SSU72: variants seen among roughly 807,000 people sequenced by gnomAD.
SSU72 encodes RNA polymerase II subunit A C-terminal domain phosphatase SSU72.
Under a neutral mutation model 22.7 loss-of-function variants are expected in SSU72, and 12 were observed. The observed-to-expected ratio is 0.53, with a 90% CI of 0.34 to 0.86. SSU72 has a LOEUF of 0.86. SSU72 is among the 40% of genes least tolerant of loss of function. The pLI is 0.02. For missense variants in SSU72, 151 were observed against 249.8 expected (o/e 0.60, Z 2.67); for synonymous variants, 116 against 98.3 (o/e 1.18, Z -1.06).
At chr1:1,565,899 A>T (rs915343606) in intron 1 of SSU72, among the ~76,000 whole-genome samples, 1 of 152,254 alleles carries the variant, frequency 6.6e-6, no homozygotes, top group Non-Finnish European at 1.5e-5. Context: ...TGGTAAGACC[A>T]GAAAATTCTT....
At chr1:1,567,521 C>A (rs1642676353) in intron 1 of SSU72, among the ~76,000 whole-genome samples, 2 of 152,142 alleles carry the variant, frequency 1.3e-5, no homozygotes, top group African/African-American at 4.8e-5. Flanking sequence ...GAGGTTAAAG[C>A]AATAAAGTCA....
chr1:1,543,833 A>C (rs541065306), intron 4 of SSU72, 36 bp downstream of exon 4: 1 of 1,547,740 alleles, frequency 6.5e-7, no homozygotes. Context: ...CTCTGTCACA[A>C]CCTCTGCCCA....
At chr1:1,562,114 G>A (rs143280259) in intron 2 of SSU72, 2 of 152,306 alleles carry the variant, frequency 1.3e-5, no homozygotes, top group East Asian at 1.9e-4. Flanking sequence ...AAGTCCTTCC[G>A]GATGAGACTG....
Position 1,574,608 on chromosome 1 carries a change from G to T in SSU72, c.-51C>A, listed in dbSNP as rs774530526. ...CTCCCGCTTGGGTTCCCACCCTACC[G>T]CGGCGCTTCCGCGCGAACAAAATGG... On this transcript the variant is annotated 5_prime_UTR_variant, in exon 1 of 5. Transcript: ENST00000291386. The T allele has an allele frequency of 6.6e-7, 1 of 1,521,530 alleles. No homozygotes were observed. The highest frequency in any genetic ancestry group is 8.8e-7 in the Non-Finnish European group (1 of 1,132,124). The allele number at this position is 1,521,530 out of a possible 1,614,324, so 94.3% of individuals were successfully genotyped here. A position where few individuals can be genotyped will look rare whatever the true frequency, so the allele number is the denominator to read the frequency against.
intron 3 of SSU72, among the ~76,000 whole-genome samples, chr1:1,544,260 C>A (rs902116703): frequency 1.3e-5 from 2 of 152,224 alleles, no homozygotes; most frequent in Admixed American, 1.3e-4. Flanking sequence ...GGCATTGCGA[C>A]CCTTCCCCGT....
chr1:1,552,500 G>A (rs1642465767), intron 2 of SSU72, among the ~76,000 whole-genome samples: 1 of 152,238 alleles, frequency 6.6e-6, no homozygotes, highest in African/African-American at 2.4e-5. Flanking sequence ...TGGTGCCTGA[G>A]CTGTGCCCCA....
chr1:1,564,511 G>A, intron 2 of SSU72: 1 of 1,520,828 alleles, frequency 6.6e-7, no homozygotes, highest in Non-Finnish European at 8.8e-7. Context: ...TCTACGCTAT[G>A]TCACGACCCT....
chr1:1,542,294 C>T lies in SSU72; in HGVS notation c.484-127G>A. 1 of 844,432 alleles carries T rather than the reference C, an allele frequency of 1.2e-6. No homozygotes were observed. The highest frequency in any genetic ancestry group is 1.8e-6 in the Non-Finnish European group (1 of 540,850). The allele number at this position is 844,432 out of a possible 1,614,324, so 52.3% of individuals were successfully genotyped here. On this transcript the variant is annotated intron_variant, in intron 4 of 4. Transcript: ENST00000291386. The surrounding 1 kb of genome is among the most constrained non-coding windows in gnomAD (Gnocchi z 4.4). The stretch of plus-strand genomic sequence containing the variant: ...ACCAGCGCAGCAGGCAGGCCCTCAC[C>T]CCACCGCTGCTGCCTCACAAGGACG...
chr1:1,573,374 G>A (rs575599892), intron 1 of SSU72, among the ~76,000 whole-genome samples: 2 of 147,664 alleles, frequency 1.4e-5, no homozygotes, highest in African/African-American at 2.4e-5. Flanking sequence ...AAGTTGCAGT[G>A]AGCCGAGATC....
At chr1:1,559,215 A>G (rs989922705) in intron 2 of SSU72, among the ~76,000 whole-genome samples, 4 of 152,234 alleles carry the variant, frequency 2.6e-5, no homozygotes, top group African/African-American at 7.2e-5. Context: ...TGAACTGGAC[A>G]GTGTGGAATG....
At chr1:1,570,716 G>A (rs1473914973) in intron 1 of SSU72, among the ~76,000 whole-genome samples, 2 of 152,240 alleles carry the variant, frequency 1.3e-5, no homozygotes. Context: ...GCAGACAACA[G>A]AACAAGAGCT....
chr1:1,550,761 G>C (rs1248679143), intron 2 of SSU72, among the ~76,000 whole-genome samples: 4 of 152,212 alleles, frequency 2.6e-5, no homozygotes, highest in Non-Finnish European at 5.9e-5. Flanking sequence ...GCCTGCCGGA[G>C]CCAGGGACCA....
chr1:1,560,625 A>C (rs1161563336), intron 2 of SSU72, among the ~76,000 whole-genome samples: 2 of 152,202 alleles, frequency 1.3e-5, no homozygotes, highest in East Asian at 1.9e-4. Flanking sequence ...GGCTCAATGC[A>C]GGATTTTTTC....
intron 1 of SSU72, among the ~76,000 whole-genome samples, chr1:1,572,877 T>TG (rs80340276): frequency 0.15 from 12,574 of 82,210 alleles, 1,634 homozygotes; most frequent in Non-Finnish European, 0.22. Context: ...AATTTTGTCT[T>TG]GGGGGGGGGG....
intron 3 of SSU72, 47 bp from the exon 4 acceptor site, chr1:1,544,034 G>A (rs771387821): frequency 2.0e-6 from 3 of 1,471,124 alleles, no homozygotes; most frequent in South Asian, 1.2e-5. Flanking sequence ...CAAAACCAGG[G>A]AACAGGCAGT....
chr1:1,550,502 C>A (rs566544543), intron 2 of SSU72, among the ~76,000 whole-genome samples: 216 of 152,362 alleles, frequency 1.4e-3, no homozygotes, highest in Non-Finnish European at 2.1e-3. Context: ...CCAGCGGACA[C>A]CACAGGCCCT....
At chr1:1,565,200 C>T (rs912007082) in intron 1 of SSU72, among the ~76,000 whole-genome samples, 11 of 152,236 alleles carry the variant, frequency 7.2e-5, no homozygotes, top group South Asian at 6.2e-4. Flanking sequence ...GGTGAAAACC[C>T]GTCTCTACTA....
rs1235549129 is a variant in SSU72, at chr1:1,545,393, C to T, written c.225-391G>A. On this transcript the variant is annotated intron_variant, in intron 2 of 4. Transcript: ENST00000291386. ...TCGGATCCTTCTTCCTCCCTCTGCT[C>T]CCTGTGCAGTGCATGCTGGCTCTGA... The T allele has an allele frequency of 1.8e-5, 4 of 227,372 alleles. No homozygotes were observed. The East Asian group carries it at 3.5e-4, about 20-fold the overall frequency. 14.1% of individuals were successfully genotyped at this position (227,372 alleles called of 1,614,324 possible).
chr1:1,558,837 G>A (rs1477751786), intron 2 of SSU72, among the ~76,000 whole-genome samples: 3 of 152,134 alleles, frequency 2.0e-5, no homozygotes, highest in Non-Finnish European at 4.4e-5. Context: ...CCCTCACTGG[G>A]CTGAGTGACA....
Sources: gnomAD v4.1 joint callset for allele counts (sites outside exome capture counted in the v4.1 genomes callset) on GRCh38, gnomAD v4.1.1 for gene constraint, Gnocchi (gnomAD v3.1) non-coding constraint, MANE v1.5 for transcripts, NCBI Gene and HGNC (gene_info 2026-07-23, HGNC 2026-07-21) for gene names.